The following RPRD1B variants were observed in gnomAD, a reference collection of about 807,000 sequenced individuals.
RPRD1B encodes the protein regulation of nuclear pre-mRNA domain-containing protein 1B.
RPRD1B carries 11 observed loss-of-function variants against 41.5 expected under a neutral mutation model. That is an observed-to-expected ratio of 0.27 (90% CI 0.17 to 0.44). The LOEUF is 0.44. Ranked by LOEUF, RPRD1B falls within the 20% of genes least tolerant of loss-of-function variation. The probability of loss-of-function intolerance (pLI) is 1.00; values close to 1 mark genes in which losing one functional copy is unlikely to be tolerated. For synonymous variants in RPRD1B, 158 were observed against 155.6 expected, an observed-to-expected ratio of 1.02 and a Z score of -0.12; for missense variants, 248 against 389.9, an observed-to-expected ratio of 0.64 and a Z score of 3.06.
chr20:38,092,342 A>G lies in RPRD1B; in HGVS notation c.*2467A>G. On this transcript the variant is annotated 3_prime_UTR_variant, in exon 7 of 7. Coordinates refer to ENST00000373433, the MANE Select transcript of RPRD1B (RefSeq NM_021215.4). ...ATGTCTCATAGATATATATTTTTGA[A>G]TAAAGATGGTGTTGTTGAACAACAT... 2 of 982,868 alleles carry G rather than the reference A, an allele frequency of 2.0e-6. No individual in the cohort carries two copies. Among genetic ancestry groups the G allele is most frequent in the Non-Finnish European group, 2.4e-6 (2 of 827,218 alleles). 60.9% of individuals were successfully genotyped at this position (982,868 alleles called of 1,614,324 possible). A position where few individuals can be genotyped will look rare whatever the true frequency, so the allele number is the denominator to read the frequency against.
At chr20:38,040,815 T>A (rs879837898) in intron 2 of RPRD1B, among the ~76,000 whole-genome samples, 1 of 152,244 alleles carries the variant, frequency 6.6e-6, no homozygotes, top group Admixed American at 6.5e-5. Context: ...ATTTTTTGAA[T>A]TTATTTCTTG....
At chr20:38,035,768 G>GT (rs5841283) in intron 1 of RPRD1B, among the ~76,000 whole-genome samples, 199 of 142,274 alleles carry the variant, frequency 1.4e-3, no homozygotes, top group Admixed American at 1.6e-3. Flanking sequence ...CATTTTTTTT[G>GT]TTTTTTTTTT....
Position 38,057,610 on chromosome 20 carries a change from A to C in RPRD1B, c.494A>C (p.Tyr165Ser), listed in dbSNP as rs747650198. The change falls in exon 4 of 7, where the codon TAC (tyrosine) becomes TCC (serine). Residue 165 changes from tyrosine (Y) to serine (S), a missense_variant. By Grantham distance (144) the Tyr-to-Ser change is moderately radical (BLOSUM62 -2). Transcript: ENST00000373433. Reference sequence around the variant, plus strand: ...GAGGATGACGACTACCCTGGCAGCTACTCTCCTCAGGATCCTTCTGCAGGA... The same window carrying C: ...GAGGATGACGACTACCCTGGCAGCTCCTCTCCTCAGGATCCTTCTGCAGGA... ...EEEDDDYPGS[Y>S]SPQDPSAGPL... The C allele has an allele frequency of 6.2e-7, 1 of 1,613,860 alleles. No homozygotes were observed. The highest frequency in any genetic ancestry group is 2.2e-5 in the East Asian group (1 of 44,868).
intron 1 of RPRD1B, 96 bp downstream of exon 1, chr20:38,034,194 T>G: frequency 7.5e-7 from 1 of 1,326,422 alleles, no homozygotes; most frequent in South Asian, 1.5e-5. Context: ...TGAGCCTTGC[T>G]TTCCAGGCCT....
At chr20:38,068,504 G>A (rs1447243505) in intron 6 of RPRD1B, among the ~76,000 whole-genome samples, 4 of 152,064 alleles carry the variant, frequency 2.6e-5, no homozygotes, top group South Asian at 2.1e-4. Flanking sequence ...CCAATCCCCC[G>A]TCTCAGCCTC....
chr20:38,035,768 G>T (rs1390955180), intron 1 of RPRD1B, among the ~76,000 whole-genome samples: 13 of 142,368 alleles, frequency 9.1e-5, no homozygotes, highest in Non-Finnish European at 1.1e-4. Flanking sequence ...CATTTTTTTT[G>T]TTTTTTTTTT....
intron 5 of RPRD1B, among the ~76,000 whole-genome samples, chr20:38,060,771 G>A (rs1026222376): frequency 6.6e-6 from 1 of 152,072 alleles, no homozygotes; most frequent in African/African-American, 2.4e-5. Flanking sequence ...ACTGGGACCT[G>A]CAGTCTCTTG....
intron 6 of RPRD1B, among the ~76,000 whole-genome samples, chr20:38,073,287 G>A (rs773229319): frequency 2.0e-4 from 31 of 152,156 alleles, no homozygotes; most frequent in Non-Finnish European, 3.8e-4. Flanking sequence ...TACCTGCCTC[G>A]CTGTACCCCT....
chr20:38,062,107 A>G (rs545243346), intron 5 of RPRD1B, among the ~76,000 whole-genome samples: 18 of 152,328 alleles, frequency 1.2e-4, no homozygotes, highest in Non-Finnish European at 2.4e-4. Flanking sequence ...GGAGGAAGCA[A>G]CTGTGATAAG....
At chr20:38,084,218 G>A (rs1337103217) in intron 6 of RPRD1B, among the ~76,000 whole-genome samples, 2 of 152,074 alleles carry the variant, frequency 1.3e-5, no homozygotes, top group African/African-American at 4.8e-5. Flanking sequence ...ATACTATGAA[G>A]CAGTCCTTTG....
intron 5 of RPRD1B, among the ~76,000 whole-genome samples, chr20:38,065,307 G>C (rs1180932784): frequency 6.6e-6 from 1 of 152,026 alleles, no homozygotes; most frequent in Non-Finnish European, 1.5e-5. Flanking sequence ...TGGCGGGGAG[G>C]GGGTCTTAGT....
intron 3 of RPRD1B, chr20:38,049,818 T>G (rs1201041825): frequency 2.1e-6 from 1 of 471,228 alleles, no homozygotes; most frequent in Non-Finnish European, 4.4e-6. Context: ...GTCCAAGTAC[T>G]GATAGTATTG....
intron 3 of RPRD1B, chr20:38,049,724 A>T (rs746503258): frequency 2.1e-6 from 1 of 471,098 alleles, no homozygotes; most frequent in Admixed American, 2.3e-5. Flanking sequence ...GCTTCTGGTT[A>T]GTTGTGGTTT....
intron 5 of RPRD1B, among the ~76,000 whole-genome samples, chr20:38,061,663 C>T (rs1231370041): frequency 2.0e-5 from 3 of 152,168 alleles, no homozygotes. Context: ...TTTAGCCAAA[C>T]CACCTGAATG....
chr20:38,048,612 A>C (rs1286280524), intron 3 of RPRD1B, 131 bp downstream of exon 3: 10 of 1,444,134 alleles, frequency 6.9e-6, no homozygotes, highest in Non-Finnish European at 9.2e-6. Context: ...GATGATCATG[A>C]ATGATGGTGA....
At chr20:38,057,704 C>A in intron 4 of RPRD1B, 60 bp downstream of exon 4, 1 of 1,227,426 alleles carries the variant, frequency 8.1e-7, no homozygotes, top group Non-Finnish European at 1.2e-6. Context: ...TAGTTGAAGA[C>A]TATGGCCACA....
Position 38,057,542 on chromosome 20 carries a change from GAAGAA to G in RPRD1B, c.428_432del (p.Lys143IlefsTer15). 1.2e-6 allele frequency: 2 copies of G among 1,613,208 alleles called. No individual in the cohort carries two copies. Among genetic ancestry groups the G allele is most frequent in the East Asian group, 2.2e-5 (1 of 44,888 alleles). On this transcript the variant is annotated frameshift_variant, in exon 4 of 7. Transcript: ENST00000373433. LOFTEE classifies it high-confidence loss of function. ...TTCTCTTTTGTCTAGCAACAGAAGAGAAGAAATCTCTGAAACGAACTTTTCAGCAA... is the reference window on the plus strand; with the variant it reads ...TTCTCTTTTGTCTAGCAACAGAAGAGATCTCTGAAACGAACTTTTCAGCAA...
intron 1 of RPRD1B, among the ~76,000 whole-genome samples, chr20:38,035,720 T>TGGGAC (rs1422036071): frequency 6.6e-6 from 1 of 152,092 alleles, no homozygotes; most frequent in African/African-American, 2.4e-5. Flanking sequence ...TTCTATTGGG[T>TGGGAC]GGGACCTCAA....
At chr20:38,065,420 G>C (rs2074345084) in intron 5 of RPRD1B, among the ~76,000 whole-genome samples, 1 of 152,126 alleles carries the variant, frequency 6.6e-6, no homozygotes, top group South Asian at 2.1e-4. Flanking sequence ...TGGGGGTTTG[G>C]TTCCAAGACC....
Sources: allele counts gnomAD v4.1 joint callset (sites outside exome capture counted in the v4.1 genomes callset), GRCh38; gene constraint gnomAD v4.1.1; transcripts MANE v1.5; gene names NCBI Gene and HGNC (gene_info 2026-07-23, HGNC 2026-07-21).